The following ELAPOR2 variants were observed in gnomAD, a reference collection of about 807,000 sequenced individuals.
The protein encoded by ELAPOR2 is endosome-lysosome associated apoptosis and autophagy regulator family member 2.
In ELAPOR2, 89 loss-of-function variants were observed where a neutral mutation model predicts 120.7. The observed-to-expected ratio is 0.74, with a 90% CI of 0.62 to 0.88. The LOEUF is 0.88. ELAPOR2 is among the 40% of genes least tolerant of loss of function. The pLI is 0.00. For missense variants in ELAPOR2, 1,134 were observed against 1,251.6 expected (o/e 0.91, Z 1.42); for synonymous variants, 444 against 444.9 (o/e 1.00, Z 0.03).
At chr7:86,924,339 A>G (rs1435597730) in intron 10 of ELAPOR2, among the ~76,000 whole-genome samples, 1 of 151,408 alleles carries the variant, frequency 6.6e-6, no homozygotes, top group Non-Finnish European at 1.5e-5. Flanking sequence ...ATAAGATCCA[A>G]TTAAAGTTTC....
chr7:86,927,624 A>C (rs1485050873), intron 8 of ELAPOR2, among the ~76,000 whole-genome samples: 2 of 151,918 alleles, frequency 1.3e-5, no homozygotes, highest in Non-Finnish European at 2.9e-5. Flanking sequence ...AAAGCAAAAT[A>C]TAAGAAAACA....
intron 1 of ELAPOR2, among the ~76,000 whole-genome samples, chr7:86,973,247 C>T (rs552156632): frequency 1.3e-5 from 2 of 152,256 alleles, no homozygotes; most frequent in South Asian, 2.1e-4. Flanking sequence ...GCATAAAATG[C>T]CTTTTTCAAT....
At chr7:86,924,473 G>A (rs1789973405) in intron 10 of ELAPOR2, among the ~76,000 whole-genome samples, 1 of 150,364 alleles carries the variant, frequency 6.7e-6, no homozygotes, top group Non-Finnish European at 1.5e-5. Flanking sequence ...TTCCCAATAG[G>A]ACTTAATTTT....
At chr7:87,003,750 A>C (rs984058387) in intron 1 of ELAPOR2, among the ~76,000 whole-genome samples, 2 of 152,208 alleles carry the variant, frequency 1.3e-5, no homozygotes. Flanking sequence ...ATGTAAACTT[A>C]TAGCACAAGA....
chr7:86,915,079 T>C (rs1255121461), intron 12 of ELAPOR2, among the ~76,000 whole-genome samples: 2 of 152,168 alleles, frequency 1.3e-5, no homozygotes, highest in Non-Finnish European at 2.9e-5. Context: ...ATTGTTCATA[T>C]AACTTGAAAG....
At chr7:86,935,703 C>T (rs545209037) in intron 8 of ELAPOR2, among the ~76,000 whole-genome samples, 20 of 151,834 alleles carry the variant, frequency 1.3e-4, no homozygotes, top group Admixed American at 2.6e-4. Flanking sequence ...TGTTTGACAG[C>T]CACTGCTCTA....
chr7:86,958,284 A>G (rs1195062903), intron 2 of ELAPOR2, among the ~76,000 whole-genome samples: 1 of 152,186 alleles, frequency 6.6e-6, no homozygotes, highest in Non-Finnish European at 1.5e-5. Context: ...AAAAATTTCT[A>G]CTTTACAAGG....
chr7:87,032,127 A>C (rs1371272391), intron 1 of ELAPOR2, among the ~76,000 whole-genome samples: 1 of 152,196 alleles, frequency 6.6e-6, no homozygotes, highest in Non-Finnish European at 1.5e-5. Flanking sequence ...GAGTGCTTAC[A>C]TATGTCAAAA....
rs1352875061 is a variant in ELAPOR2 at position 86,878,669 on chromosome 7, C to A, written c.*1802G>T. 1 of 152,178 alleles carries A rather than the reference C, an allele frequency of 6.6e-6. No individual in the cohort carries two copies. Among genetic ancestry groups the A allele is most frequent in the Non-Finnish European group, 1.5e-5 (1 of 68,030 alleles). 9.4% of individuals were successfully genotyped at this position (152,178 alleles called of 1,614,324 possible). ...AAAGGGTTCATTTCAAATGTATTTT[C>A]ACTCTTCTGTTTAAATTTTGATCAA... On this transcript the variant is annotated 3_prime_UTR_variant, in exon 22 of 22. Coordinates refer to ENST00000450689, the MANE Select transcript of ELAPOR2 (RefSeq NM_001142749.3).
At chr7:86,914,578 A>G (rs1393249627) in intron 13 of ELAPOR2, 145 bp downstream of exon 13, 1 of 551,550 alleles carries the variant, frequency 1.8e-6, no homozygotes, top group Non-Finnish European at 3.0e-6. Flanking sequence ...ATTTTATACC[A>G]CTGAATCTAT....
chr7:86,880,621 C>A (rs1799356471), intron 21 of ELAPOR2, 91 bp from the exon 22 acceptor site: 1 of 818,884 alleles, frequency 1.2e-6, no homozygotes, highest in South Asian at 1.5e-5. Flanking sequence ...TTCCAGAAAT[C>A]ATTTTAACCT....
At chr7:87,039,708 C>A (rs909863599) in intron 1 of ELAPOR2, among the ~76,000 whole-genome samples, 1 of 151,974 alleles carries the variant, frequency 6.6e-6, no homozygotes, top group African/African-American at 2.4e-5. Context: ...TTTCAACATC[C>A]CTTTATGATA....
chr7:87,037,358 C>T (rs1794620076), intron 1 of ELAPOR2, among the ~76,000 whole-genome samples: 1 of 151,922 alleles, frequency 6.6e-6, no homozygotes, highest in Non-Finnish European at 1.5e-5. Flanking sequence ...GCCCCCACCA[C>T]CACCTCCTCC....
intron 1 of ELAPOR2, among the ~76,000 whole-genome samples, chr7:86,991,220 T>A (rs1013509226): frequency 2.4e-4 from 36 of 152,328 alleles, no homozygotes; most frequent in African/African-American, 8.2e-4. Flanking sequence ...AGCAGCTTTG[T>A]GGGTGACCAT....
intron 21 of ELAPOR2, among the ~76,000 whole-genome samples, chr7:86,884,770 T>G (rs947299894): frequency 6.6e-6 from 1 of 152,180 alleles, no homozygotes; most frequent in African/African-American, 2.4e-5. Context: ...ACTGACTCAC[T>G]TTAGAGATAA....
intron 1 of ELAPOR2, among the ~76,000 whole-genome samples, chr7:87,012,249 A>C (rs1793712494): frequency 6.6e-6 from 1 of 152,092 alleles, no homozygotes; most frequent in Non-Finnish European, 1.5e-5. Context: ...GTCTCTACTA[A>C]AAATACAAAA....
chr7:87,013,964 G>A (rs1057233050), intron 1 of ELAPOR2, among the ~76,000 whole-genome samples: 9 of 148,510 alleles, frequency 6.1e-5, no homozygotes, highest in Admixed American at 4.0e-4. Context: ...CTGCCTTCTT[G>A]TTTCAGCTCC....
chr7:86,911,211 T>C (rs1457157027), intron 15 of ELAPOR2, among the ~76,000 whole-genome samples: 1 of 152,162 alleles, frequency 6.6e-6, no homozygotes, highest in Non-Finnish European at 1.5e-5. Context: ...ATTTAATTTA[T>C]ATTTATTGAG....
chr7:86,936,220 T>C (rs1307118336), intron 8 of ELAPOR2, among the ~76,000 whole-genome samples: 5 of 152,070 alleles, frequency 3.3e-5, no homozygotes, highest in Admixed American at 3.3e-4. Context: ...TATGTATTTA[T>C]ATAAAGAGAC....
Sources: gnomAD v4.1 joint callset for allele counts (sites outside exome capture counted in the v4.1 genomes callset) on GRCh38, gnomAD v4.1.1 for gene constraint, MANE v1.5 for transcripts, NCBI Gene and HGNC (gene_info 2026-07-23, HGNC 2026-07-21) for gene names.